LTN1: variants seen among roughly 807,000 people sequenced by gnomAD.
LTN1 encodes the protein listerin E3 ubiquitin protein ligase 1.
In LTN1, 88 loss-of-function variants were observed where a neutral mutation model predicts 201.2. The ratio of observed to expected loss-of-function variants is 0.44; its 90% confidence interval spans 0.37 to 0.52. The LOEUF is 0.52. Among genes scored for constraint, LTN1 ranks in the 20% least tolerant of loss-of-function variants. The pLI is 0.00. For synonymous variants in LTN1, 645 were observed against 713.5 expected (o/e 0.90, Z 1.53); for missense variants, 1,752 against 2,038.7 (o/e 0.86, Z 2.71).
Position 28,971,500 on chromosome 21 carries a change from T to G in LTN1, c.811-56A>C, listed in dbSNP as rs1033572886. 2.6e-6 allele frequency: 4 copies of G among 1,516,102 alleles called. No homozygotes were observed. In the African/African-American group the frequency reaches 4.1e-5, roughly 16 times the overall value. The allele number at this position is 1,516,102 out of a possible 1,614,324, so 93.9% of individuals were successfully genotyped here. The stretch of plus-strand genomic sequence containing the variant: ...AACCTAGTAAAACTTGATAAGATTT[T>G]TAATTTATGGTAATAGTAGATTATT... On this transcript the variant is annotated intron_variant, in intron 6 of 29. Transcript: ENST00000361371.
At chr21:28,962,849 A>T (rs1232194694) in intron 11 of LTN1, among the ~76,000 whole-genome samples, 3 of 152,246 alleles carry the variant, frequency 2.0e-5, no homozygotes, top group Non-Finnish European at 4.4e-5. Context: ...CTGTGAGCCC[A>T]AGAGTAACAG....
chr21:28,960,947 CT>C (rs61117798), intron 11 of LTN1: 8,719 of 274,396 alleles, frequency 0.032, 84 homozygotes, highest in African/African-American at 0.074. Flanking sequence ...CCACCCCCCC[CT>C]TTTTTTTTTA....
intron 26 of LTN1, 29 bp downstream of exon 26, chr21:28,936,497 G>A (rs756442435): frequency 1.9e-6 from 3 of 1,559,174 alleles, no homozygotes; most frequent in South Asian, 2.4e-5. Flanking sequence ...TAGTGTCCAA[G>A]AAAGAACATA....
chr21:28,975,819 T>C (rs2084610690), intron 6 of LTN1, among the ~76,000 whole-genome samples: 1 of 152,232 alleles, frequency 6.6e-6, no homozygotes, highest in African/African-American at 2.4e-5. Flanking sequence ...CCTATAAACA[T>C]ATACTTACCA....
At chr21:28,964,285 T>C (rs921716890) in intron 11 of LTN1, among the ~76,000 whole-genome samples, 3 of 152,136 alleles carry the variant, frequency 2.0e-5, no homozygotes, top group Admixed American at 1.3e-4. Context: ...TTTTAAGAAA[T>C]TGTCACAGCC....
At chr21:28,959,771 T>A in intron 12 of LTN1, 74 bp from the exon 13 acceptor site, 1 of 1,250,656 alleles carries the variant, frequency 8.0e-7, no homozygotes, top group Non-Finnish European at 1.1e-6. Flanking sequence ...TACTTTGGAT[T>A]AATAATTCTA....
chr21:28,941,314 G>A lies in LTN1; in HGVS notation c.4388C>T (p.Thr1463Ile). 6.2e-7 allele frequency: 1 copy of A among 1,612,938 alleles called. No individual in the cohort carries two copies. Among genetic ancestry groups the A allele is most frequent in the Non-Finnish European group, 8.5e-7 (1 of 1,179,130 alleles). The part of the protein sequence containing the change: ...LGCIPVGQIV[T>I]IKPLSEDFCY... ...GAAGTCTTCACTCAGTGGTTTAATA[G>A]TAACTATCTGTCCAACAGGAATACA... Residue 1463 changes from threonine (T) to isoleucine (I), a missense_variant, in exon 25 of 30, where the codon ACT (threonine) becomes ATT (isoleucine). Thr to Ile is a moderately conservative substitution (Grantham distance 89). Coordinates refer to ENST00000361371, the MANE Select transcript of LTN1 (RefSeq NM_015565.3).
chr21:28,941,100 T>G, intron 25 of LTN1, 120 bp downstream of exon 25: 1 of 699,900 alleles, frequency 1.4e-6, no homozygotes, highest in Non-Finnish European at 2.3e-6. Flanking sequence ...AAAATAAATT[T>G]TAAAAGATGA....
intron 16 of LTN1, among the ~76,000 whole-genome samples, chr21:28,954,654 CT>C (rs797005853): frequency 2.0e-5 from 3 of 152,208 alleles, no homozygotes; most frequent in African/African-American, 7.2e-5. Flanking sequence ...TTGACAAAGT[CT>C]TCAACAAAAA....
In LTN1 at chr21:28,928,175, T is replaced by A. The variant is rs1279682625; in HGVS notation, c.*2273A>T. The A allele has an allele frequency of 6.6e-6, 1 of 152,556 alleles. No individual in the cohort carries two copies. Among genetic ancestry groups the A allele is most frequent in the East Asian group, 1.9e-4 (1 of 5,196 alleles). The allele number at this position is 152,556 out of a possible 1,614,324, so 9.5% of individuals were successfully genotyped here. The stretch of plus-strand genomic sequence containing the variant: ...ACAAAAGAGTAACATTTTATTTATT[T>A]AAAAATCAGAAGCAAATATGGCAAA... On this transcript the variant is annotated 3_prime_UTR_variant, in exon 30 of 30. Coordinates refer to ENST00000361371, the MANE Select transcript of LTN1 (RefSeq NM_015565.3).
intron 9 of LTN1, among the ~76,000 whole-genome samples, chr21:28,968,438 G>A (rs928530102): frequency 3.3e-5 from 5 of 152,102 alleles, no homozygotes; most frequent in Admixed American, 3.3e-4. Flanking sequence ...ATTTCCTACT[G>A]TAAAGAACCA....
At chr21:28,978,168 T>C (rs997220507) in intron 6 of LTN1, among the ~76,000 whole-genome samples, 3 of 152,098 alleles carry the variant, frequency 2.0e-5, no homozygotes, top group Non-Finnish European at 4.4e-5. Context: ...GCTGGGACAA[T>C]AGGGGTGTGC....
At chr21:28,983,238 A>T (rs567399394) in intron 4 of LTN1, among the ~76,000 whole-genome samples, 1 of 152,342 alleles carries the variant, frequency 6.6e-6, no homozygotes, top group African/African-American at 2.4e-5. Context: ...GAAATAACCC[A>T]ATGTTCAATG....
intron 6 of LTN1, among the ~76,000 whole-genome samples, chr21:28,973,900 C>A (rs1325117513): frequency 2.0e-5 from 3 of 152,060 alleles, no homozygotes; most frequent in Non-Finnish European, 4.4e-5. Context: ...TGAATTCTGA[C>A]AAAGATGTCA....
chr21:28,986,403 G>T lies in LTN1; in HGVS notation c.247-166C>A. The T allele has an allele frequency of 1.5e-6, 1 of 684,652 alleles. No individual in the cohort carries two copies. The highest frequency in any genetic ancestry group is 1.6e-5 in the South Asian group (1 of 62,488). The allele number at this position is 684,652 out of a possible 1,614,324, so 42.4% of individuals were successfully genotyped here. A position where few individuals can be genotyped will look rare whatever the true frequency, so the allele number is the denominator to read the frequency against. On this transcript the variant is annotated intron_variant, in intron 2 of 29. Coordinates refer to ENST00000361371, the MANE Select transcript of LTN1 (RefSeq NM_015565.3). The surrounding 1 kb of genome is among the most constrained non-coding windows in gnomAD (Gnocchi z 4.1). ...AGCTCTTTCACAGGCTACTACGGTAGAAACTCTTCAGTTGTTTTTTTAAAA... is the reference window on the plus strand; with the variant it reads ...AGCTCTTTCACAGGCTACTACGGTATAAACTCTTCAGTTGTTTTTTTAAAA...
Position 28,966,763 on chromosome 21 carries a change from A to G in LTN1, c.1728T>C (p.His576=). ...GAGGAGACAAAAGGCCTGAAGAATT[A>G]TGAGTGAGAGAAGGTTCAGTTGTTA... ...WELTTEPSLT[H]NSSGLLSPLR... The change falls in exon 10 of 30, where the codon CAT becomes CAC. Residue 576 remains histidine, a synonymous_variant. Transcript: ENST00000361371. 1 of 1,614,088 alleles carries G rather than the reference A, an allele frequency of 6.2e-7. No individual in the cohort carries two copies. Among genetic ancestry groups the G allele is most frequent in the East Asian group, 2.2e-5 (1 of 44,874 alleles).
chr21:28,953,775 C>T lies in LTN1; in HGVS notation c.3080-399G>A, dbSNP rs149277620. On this transcript the variant is annotated intron_variant, in intron 16 of 29. Coordinates refer to ENST00000361371, the MANE Select transcript of LTN1 (RefSeq NM_015565.3). ...GGGAGAAATGGGAGACAGTATGATACAGTAAAAGGACATGAGGCCTCAATT... is the reference window on the plus strand; with the variant it reads ...GGGAGAAATGGGAGACAGTATGATATAGTAAAAGGACATGAGGCCTCAATT... 2.2e-4 allele frequency among the ~76,000 whole-genome samples: 33 copies of T among 152,216 alleles called. No homozygotes were observed. In the East Asian group the frequency reaches 5.2e-3, roughly 24 times the overall value.
chr21:28,963,977 A>G (rs576332646), intron 11 of LTN1, among the ~76,000 whole-genome samples: 1 of 152,226 alleles, frequency 6.6e-6, no homozygotes, highest in African/African-American at 2.4e-5. Context: ...AAATGCTGCA[A>G]TATCATAATA....
At chr21:28,938,919 G>A (rs2084276632) in intron 25 of LTN1, among the ~76,000 whole-genome samples, 1 of 152,116 alleles carries the variant, frequency 6.6e-6, no homozygotes, top group Admixed American at 6.6e-5. Flanking sequence ...GAGAGGAAAT[G>A]GGAAGTGATT....
Sources: gnomAD v4.1 joint callset for allele counts (sites outside exome capture counted in the v4.1 genomes callset) on GRCh38, gnomAD v4.1.1 for gene constraint, Gnocchi (gnomAD v3.1) non-coding constraint, MANE v1.5 for transcripts, NCBI Gene and HGNC (gene_info 2026-07-23, HGNC 2026-07-21) for gene names.